Variants in PEX11B observed in about 807,000 individuals in gnomAD.
The protein encoded by PEX11B is peroxisomal membrane protein 11B.
PEX11B carries 18 observed loss-of-function variants against 28.2 expected under a neutral mutation model. That is an observed-to-expected ratio of 0.64 (90% CI 0.44 to 0.95). The LOEUF is 0.95. PEX11B is among the 40% of genes least tolerant of loss of function. The probability of loss-of-function intolerance (pLI) is 0.00; values close to 1 mark genes in which losing one functional copy is unlikely to be tolerated. For synonymous variants in PEX11B, 128 were observed against 128.7 expected, an observed-to-expected ratio of 0.99 and a Z score of 0.04; for missense variants, 305 against 319.8, an observed-to-expected ratio of 0.95 and a Z score of 0.35.
chr1:145,918,316 T>G, intron 1 of PEX11B: 1 of 1,497,202 alleles, frequency 6.7e-7, no homozygotes, highest in East Asian at 2.5e-5. Context: ...GGGCAGAGTC[T>G]GGGGCTATCC....
At chr1:145,918,152 T>A in intron 1 of PEX11B, 1 of 985,414 alleles carries the variant, frequency 1.0e-6, no homozygotes, top group South Asian at 4.7e-5. Context: ...AGGCAGACAG[T>A]TGGAGGGCAT....
chr1:145,915,913 G>A (rs1032750107), intron 3 of PEX11B, among the ~76,000 whole-genome samples: 2 of 152,074 alleles, frequency 1.3e-5, no homozygotes, highest in African/African-American at 2.4e-5. Flanking sequence ...GATTACAGGC[G>A]TGAGCCACTG....
rs1553753038 is a variant in PEX11B at position 145,911,574 on chromosome 1, A to C, written c.*587T>G. 5.9e-6 allele frequency: 1 copy of C among 169,562 alleles called. No homozygotes were observed. Among genetic ancestry groups the C allele is most frequent in the Non-Finnish European group, 1.3e-5 (1 of 76,964 alleles). 10.5% of individuals were successfully genotyped at this position (169,562 alleles called of 1,614,324 possible). A position where few individuals can be genotyped will look rare whatever the true frequency, so the allele number is the denominator to read the frequency against. On this transcript the variant is annotated 3_prime_UTR_variant, in exon 4 of 4. Transcript: ENST00000369306. ...TGAAGGTAGGTGTACAAGGAAGGATAAGGGCCAAATGATGAGCGAGGTTGG... is the reference window on the plus strand; with the variant it reads ...TGAAGGTAGGTGTACAAGGAAGGATCAGGGCCAAATGATGAGCGAGGTTGG...
intron 2 of PEX11B, 110 bp from the exon 3 acceptor site, chr1:145,917,128 T>G (rs1553754042): frequency 1.3e-6 from 1 of 751,804 alleles, no homozygotes; most frequent in African/African-American, 1.7e-5. Flanking sequence ...ATAATGACAA[T>G]TTTTTTAAAG....
At chr1:145,918,121 TGTACG>T (rs1241482789) in intron 1 of PEX11B, 2 of 985,284 alleles carry the variant, frequency 2.0e-6, no homozygotes, top group African/African-American at 3.5e-5. Flanking sequence ...AGCGTGAGCA[TGTACG>T]TGATCGATGA....
intron 3 of PEX11B, 49 bp from the exon 4 acceptor site, chr1:145,912,615 C>A (rs1657860166): frequency 4.2e-6 from 5 of 1,182,606 alleles, no homozygotes; most frequent in Non-Finnish European, 5.7e-6. Context: ...ACCTACTTAA[C>A]ATATCCAACA....
At chr1:145,918,608 AC>A in intron 1 of PEX11B, 24 bp downstream of exon 1, 3 of 492,250 alleles carry the variant, frequency 6.1e-6, no homozygotes, top group Non-Finnish European at 9.1e-6. Context: ...CCCCCGCCCC[AC>A]CCCCATTCCT....
intron 2 of PEX11B, among the ~76,000 whole-genome samples, chr1:145,917,460 TTTTCAA>T (rs1647456811): frequency 6.6e-6 from 1 of 152,074 alleles, no homozygotes. Flanking sequence ...AACAGTCCAT[TTTTCAA>T]TTTCAAATTT....
chr1:145,914,291 T>C (rs1302638095), intron 3 of PEX11B, among the ~76,000 whole-genome samples: 1 of 151,940 alleles, frequency 6.6e-6, no homozygotes, highest in African/African-American at 2.4e-5. Context: ...GCAGAATCAC[T>C]TGAACCCAAG....
At position 145,917,780 on chromosome 1, in the gene PEX11B, C is replaced by T. The variant is rs782445606; in HGVS notation, c.93G>A (p.Ala31=). 13 of 1,613,372 alleles carry T rather than the reference C, an allele frequency of 8.1e-6. 1 individual carries two copies. Among genetic ancestry groups the T allele is most frequent in the Admixed American group, 1.7e-5 (1 of 60,008 alleles). Residue 31 remains alanine, a synonymous_variant, in exon 2 of 4, where the codon GCG becomes GCA. Transcript: ENST00000369306. ...AQYACSLLGH[A]LQRHGASPEL... is the part of the protein sequence containing the mutation. The stretch of plus-strand genomic sequence containing the variant: ...CAGGACTGGCTCCATGCCTCTGCAG[C>T]GCATGGCCAAGAAGAGAGCAAGCAT...
chr1:145,913,087 CAAA>C (rs79816387), intron 3 of PEX11B, among the ~76,000 whole-genome samples: 6 of 65,558 alleles, frequency 9.2e-5, no homozygotes, highest in Admixed American at 1.9e-4. Context: ...GACTCTGTCT[CAAA>C]AAAAAAAAAA....
intron 3 of PEX11B, among the ~76,000 whole-genome samples, chr1:145,915,064 C>T (rs887229353): frequency 1.3e-5 from 2 of 152,134 alleles, no homozygotes; most frequent in South Asian, 2.1e-4. Context: ...CCACCACACC[C>T]GGCTAATTTT....
intron 3 of PEX11B, among the ~76,000 whole-genome samples, chr1:145,915,881 C>A (rs1318841805): frequency 6.6e-6 from 1 of 152,158 alleles, no homozygotes; most frequent in African/African-American, 2.4e-5. Flanking sequence ...ATCCCCCCAA[C>A]CTCGGCCTCC....
chr1:145,918,613 C>T lies in PEX11B; in HGVS notation c.56+20G>A, dbSNP rs1553754356. ...GTCCATCCCTCCCCCGCCCCACCCC[C>T]ATTCCTATTCGGGCCGCACCTACAC... On this transcript the variant is annotated intron_variant, in intron 1 of 3. Coordinates refer to ENST00000369306, the MANE Select transcript of PEX11B (RefSeq NM_003846.3). The T allele has an allele frequency of 2.4e-5, 38 of 1,584,952 alleles. No individual in the cohort carries two copies. The highest frequency in any genetic ancestry group is 3.0e-5 in the Non-Finnish European group (35 of 1,165,286).
At chr1:145,915,634 C>CTTTTTTTTTTTTTTT (rs587607174) in intron 3 of PEX11B, among the ~76,000 whole-genome samples, 1 of 137,376 alleles carries the variant, frequency 7.3e-6, no homozygotes, top group Non-Finnish European at 1.6e-5. Context: ...CTTTTCTTTT[C>CTTTTTTTTTTTTTTT]TTTTTTTTTT....
At position 145,917,013 on chromosome 1, in the gene PEX11B, G is replaced by A. The variant is rs781880014; in HGVS notation, c.178C>T (p.Arg60Cys). 76 of 1,606,212 alleles carry A rather than the reference G, an allele frequency of 4.7e-5. No individual in the cohort carries two copies. Among genetic ancestry groups the A allele is most frequent in the African/African-American group, 1.1e-4 (8 of 74,796 alleles). The change falls in exon 3 of 4, where the codon CGC becomes TGC. Residue 60 changes from arginine to cysteine, a missense_variant. By Grantham distance (180) the Arg-to-Cys change is radical. Transcript: ENST00000369306. ...SHLSLGRKLL[R>C]LGNSADALES... ...AGGGCATCTGCTGAGTTACCCAGGCGTAGAACTTGTGGAGATTAGAAAGGG... is the reference window on the plus strand; with the variant it reads ...AGGGCATCTGCTGAGTTACCCAGGCATAGAACTTGTGGAGATTAGAAAGGG...
intron 3 of PEX11B, among the ~76,000 whole-genome samples, chr1:145,913,932 A>G (rs1263506887): frequency 2.6e-5 from 4 of 152,092 alleles, no homozygotes; most frequent in African/African-American, 9.7e-5. Flanking sequence ...GCACTGCCAT[A>G]CTCTAAGCCA....
In PEX11B at chr1:145,917,825, G is replaced by C; in HGVS notation, c.57-9C>G. The C allele has an allele frequency of 2.5e-6, 4 of 1,592,426 alleles. No individual in the cohort carries two copies. The highest frequency in any genetic ancestry group is 3.4e-6 in the Non-Finnish European group (4 of 1,160,350). The stretch of plus-strand genomic sequence containing the variant: ...AAGCATACTGGGCGGCCCTAGAGGA[G>C]AGGGCAGGCAAGGTAAGGTGGAGAC... On this transcript the variant is annotated splice_polypyrimidine_tract_variant and intron_variant, in intron 1 of 3. Coordinates refer to ENST00000369306, the MANE Select transcript of PEX11B (RefSeq NM_003846.3).
rs1647492266 is a variant in PEX11B, at chr1:145,917,832, G to A, written c.57-16C>T. On this transcript the variant is annotated splice_polypyrimidine_tract_variant and intron_variant, in intron 1 of 3. Coordinates refer to ENST00000369306, the MANE Select transcript of PEX11B (RefSeq NM_003846.3). ...CTGGGCGGCCCTAGAGGAGAGGGCAGGCAAGGTAAGGTGGAGACCTCCCTA... is the reference window on the plus strand; with the variant it reads ...CTGGGCGGCCCTAGAGGAGAGGGCAAGCAAGGTAAGGTGGAGACCTCCCTA... 6.4e-7 allele frequency: 1 copy of A among 1,574,718 alleles called. No homozygotes were observed. Among genetic ancestry groups the A allele is most frequent in the Non-Finnish European group, 8.7e-7 (1 of 1,144,540 alleles).
Sources: allele counts gnomAD v4.1 joint callset (sites outside exome capture counted in the v4.1 genomes callset), GRCh38; gene constraint gnomAD v4.1.1; transcripts MANE v1.5; gene names NCBI Gene and HGNC (gene_info 2026-07-23, HGNC 2026-07-21).